The following KIR2DL4 variants were observed in gnomAD, a reference collection of about 807,000 sequenced individuals.
KIR2DL4 encodes killer cell immunoglobulin-like receptor 2DL4.
In KIR2DL4, 41 loss-of-function variants were observed where a neutral mutation model predicts 31.0. That is an observed-to-expected ratio of 1.32 (90% CI 1.03 to 1.72). KIR2DL4 has a LOEUF of 1.72. KIR2DL4 is among the 40% of genes most tolerant of loss of function. KIR2DL4 has a pLI of 0.00. For synonymous variants in KIR2DL4, 164 were observed against 133.6 expected, an observed-to-expected ratio of 1.23 and a Z score of -1.57; for missense variants, 438 against 353.7, an observed-to-expected ratio of 1.24 and a Z score of -1.91.
At chr19:54,812,637 C>T (rs2060930415) in intron 5 of KIR2DL4, among the ~76,000 whole-genome samples, 1 of 150,408 alleles carries the variant, frequency 6.6e-6, no homozygotes, top group Non-Finnish European at 1.5e-5. Flanking sequence ...AGGCTGCTCC[C>T]ACACTGACAG....
At chr19:54,807,629 G>C (rs2060606401) in intron 4 of KIR2DL4, among the ~76,000 whole-genome samples, 1 of 149,002 alleles carries the variant, frequency 6.7e-6, no homozygotes, top group Non-Finnish European at 1.5e-5. Context: ...GTAGAGACGG[G>C]GTTTCACCAT....
At chr19:54,804,160 C>G (rs2060354619) in intron 2 of KIR2DL4, among the ~76,000 whole-genome samples, 1 of 110,966 alleles carries the variant, frequency 9.0e-6, no homozygotes, top group African/African-American at 3.6e-5. Context: ...TATGCTCAGC[C>G]CTCTGTTTTG....
chr19:54,807,220 G>A (rs1408448131), intron 4 of KIR2DL4, among the ~76,000 whole-genome samples: 2 of 150,590 alleles, frequency 1.3e-5, no homozygotes, highest in Admixed American at 6.6e-5. Flanking sequence ...TTGTATGGAT[G>A]AGTTGTCTCC....
At chr19:54,804,728 G>C in intron 2 of KIR2DL4, 65 bp from the exon 3 acceptor site, 2 of 1,518,508 alleles carry the variant, frequency 1.3e-6, no homozygotes, top group Non-Finnish European at 1.8e-6. Flanking sequence ...AGAATCTTCT[G>C]AGCACAGGGA....
At chr19:54,811,852 T>C (rs919307740) in intron 5 of KIR2DL4, among the ~76,000 whole-genome samples, 14 of 151,042 alleles carry the variant, frequency 9.3e-5, no homozygotes, top group Non-Finnish European at 1.6e-4. Context: ...GAGGGGGTGG[T>C]CTTTCCCCCA....
intron 7 of KIR2DL4, 29 bp from the exon 7 acceptor site, chr19:54,813,813 T>A: frequency 6.2e-7 from 1 of 1,612,022 alleles, no homozygotes; most frequent in East Asian, 2.2e-5. Flanking sequence ...GTGAACACCC[T>A]CCCTCACTCA....
rs762005128 is a variant in KIR2DL4, at chr19:54,809,307, T to C, written c.706+424T>C. 2.5e-4 allele frequency among the ~76,000 whole-genome samples: 38 copies of C among 150,438 alleles called. 1 individual carries two copies. The highest frequency in any genetic ancestry group is 4.9e-4 in the Non-Finnish European group (33 of 67,870). Reference sequence around the variant, plus strand: ...CATGATCCAACCCTGGTTGACTTAGTGGAACAAGAGCTTTGCGGTAAGAGA... The same window carrying C: ...CATGATCCAACCCTGGTTGACTTAGCGGAACAAGAGCTTTGCGGTAAGAGA... On this transcript the variant is annotated intron_variant, in intron 5 of 7. Coordinates refer to ENST00000359085, the Ensembl canonical transcript of KIR2DL4.
chr19:54,805,282 A>G (rs1344460899), intron 3 of KIR2DL4, among the ~76,000 whole-genome samples: 1 of 151,392 alleles, frequency 6.6e-6, no homozygotes, highest in Non-Finnish European at 1.5e-5. Flanking sequence ...GCCTGTGACT[A>G]TGTTATAGGG....
chr19:54,805,114 C>A, intron 3 of KIR2DL4, 37 bp downstream of exon 3: 3 of 1,546,870 alleles, frequency 1.9e-6, no homozygotes, highest in Non-Finnish European at 2.6e-6. Context: ...CCTTGTCCCA[C>A]CTCCTGAGTC....
At chr19:54,807,013 CTAAA>C (rs112384686) in intron 4 of KIR2DL4, among the ~76,000 whole-genome samples, 2 of 141,226 alleles carry the variant, frequency 1.4e-5, no homozygotes, top group Non-Finnish European at 3.0e-5. Context: ...GACTCTGTCT[CTAAA>C]TAAATAAATA....
chr19:54,803,756 A>T, intron 1 of KIR2DL4, 65 bp downstream of exon 1: 1 of 1,581,784 alleles, frequency 6.3e-7, no homozygotes, highest in Non-Finnish European at 8.7e-7. Flanking sequence ...GTGTCTCCCC[A>T]GCAGAGAGCC....
chr19:54,805,464 C>T (rs1245283046), intron 3 of KIR2DL4, among the ~76,000 whole-genome samples: 1 of 150,626 alleles, frequency 6.6e-6, no homozygotes, highest in Non-Finnish European at 1.5e-5. Flanking sequence ...CCACCAGCCA[C>T]TGTGGGCTTT....
exon 8 of KIR2DL4, chr19:54,813,965 T>G: frequency 6.2e-7 from 1 of 1,612,238 alleles, no homozygotes. Context: ...TACCAGCGTG[T>G]GTATAGAACT....
intron 4 of KIR2DL4, among the ~76,000 whole-genome samples, chr19:54,807,946 C>A (rs1480189311): frequency 6.6e-6 from 1 of 151,168 alleles, no homozygotes; most frequent in Non-Finnish European, 1.5e-5. Flanking sequence ...ATTAGTGATA[C>A]TGAGCACTTT....
chr19:54,808,387 G>A (rs2060653187), intron 4 of KIR2DL4, among the ~76,000 whole-genome samples: 1 of 151,300 alleles, frequency 6.6e-6, no homozygotes, highest in Non-Finnish European at 1.5e-5. Context: ...TATGGTGAGA[G>A]GTAGAGGTGC....
intron 3 of KIR2DL4, among the ~76,000 whole-genome samples, chr19:54,805,734 G>A (rs1601135778): frequency 1.3e-5 from 2 of 151,208 alleles, no homozygotes; most frequent in African/African-American, 2.4e-5. Context: ...CAAACAAGAA[G>A]GTTGGCTACC....
chr19:54,808,500 A>G (rs2060661101), intron 4 of KIR2DL4, among the ~76,000 whole-genome samples: 1 of 150,492 alleles, frequency 6.6e-6, no homozygotes, highest in African/African-American at 2.5e-5. Flanking sequence ...GTCAAAGTCC[A>G]TTGGATGTAA....
intron 4 of KIR2DL4, among the ~76,000 whole-genome samples, chr19:54,806,447 C>G (rs1196533854): frequency 1.3e-5 from 2 of 151,072 alleles, no homozygotes; most frequent in East Asian, 3.9e-4. Flanking sequence ...AGTAAGGGCT[C>G]CGGGTACCCA....
chr19:54,808,284 C>A (rs1350126454), intron 4 of KIR2DL4, among the ~76,000 whole-genome samples: 23 of 150,900 alleles, frequency 1.5e-4, no homozygotes, highest in Non-Finnish European at 3.1e-4. Context: ...TTCCCTCAGA[C>A]AAATGTCCTG....
Sources: allele counts gnomAD v4.1 joint callset (sites outside exome capture counted in the v4.1 genomes callset), GRCh38; gene constraint gnomAD v4.1.1; transcripts MANE v1.5; gene names NCBI Gene and HGNC (gene_info 2026-07-23, HGNC 2026-07-21).